The following GALNTL6 variants were observed in gnomAD, a reference collection of about 807,000 sequenced individuals.
GALNTL6 encodes polypeptide N-acetylgalactosaminyltransferase like 6.
A neutral mutation model predicts 73.7 loss-of-function variants in GALNTL6; 46 were observed. The ratio of observed to expected loss-of-function variants is 0.62; its 90% CI spans 0.49 to 0.80. The LOEUF (loss-of-function observed/expected upper bound fraction) is 0.80, where lower values mean the gene tolerates loss of function less well. Among genes scored for constraint, GALNTL6 ranks in the 30% least tolerant of loss-of-function variants. GALNTL6 has a pLI of 0.00. For synonymous variants in GALNTL6, 259 were observed against 263.7 expected, an observed-to-expected ratio of 0.98 and a Z score of 0.17; for missense variants, 604 against 755.0, an observed-to-expected ratio of 0.80 and a Z score of 2.34.
At chr4:172,660,441 G>A (rs1383851456) in intron 5 of GALNTL6, among the ~76,000 whole-genome samples, 1 of 152,184 alleles carries the variant, frequency 6.6e-6, no homozygotes. Context: ...GCTGTCACCT[G>A]AGGAGCATAT....
At chr4:172,086,937 T>A (rs547964961) in intron 2 of GALNTL6, among the ~76,000 whole-genome samples, 15 of 152,298 alleles carry the variant, frequency 9.8e-5, no homozygotes, top group Admixed American at 6.5e-4. Flanking sequence ...ATATGGAATA[T>A]ACCAATATTG....
chr4:172,611,810 G>T (rs1304863046), intron 5 of GALNTL6, among the ~76,000 whole-genome samples: 1 of 151,852 alleles, frequency 6.6e-6, no homozygotes, highest in Non-Finnish European at 1.5e-5. Context: ...AGTTTTCAAG[G>T]GTATATATCA....
intron 3 of GALNTL6, among the ~76,000 whole-genome samples, chr4:172,260,490 C>A (rs1738221558): frequency 6.6e-6 from 1 of 151,424 alleles, no homozygotes; most frequent in African/African-American, 2.4e-5. Flanking sequence ...TTTGTCAGTT[C>A]TAGGAGCTTT....
In GALNTL6 at chr4:172,591,459, A is replaced by G. The variant is rs183963704; in HGVS notation, c.554-217902A>G. Among the ~76,000 whole-genome samples, 49 of 152,312 alleles carry G rather than the reference A, an allele frequency of 3.2e-4. No homozygotes were observed. The East Asian group carries it at 9.2e-3, about 29-fold the overall frequency. ...TTTAATTTAAAGTATTGTTCTACCT[A>G]TTTAATAGAGCAAGACCATAAAAAC... On this transcript the variant is annotated intron_variant, in intron 5 of 12. Transcript: ENST00000506823.
intron 7 of GALNTL6, among the ~76,000 whole-genome samples, chr4:172,881,331 A>G (rs1174284555): frequency 6.6e-6 from 1 of 152,110 alleles, no homozygotes; most frequent in Non-Finnish European, 1.5e-5. Flanking sequence ...GATTTTTATT[A>G]CAAAACAAAA....
At chr4:171,823,221 A>G (rs1278100262) in intron 2 of GALNTL6, among the ~76,000 whole-genome samples, 3 of 152,130 alleles carry the variant, frequency 2.0e-5, no homozygotes, top group Non-Finnish European at 2.9e-5. Context: ...TAACTAAAAT[A>G]TCTTATATTT....
At chr4:172,063,493 T>G (rs1731268477) in intron 2 of GALNTL6, among the ~76,000 whole-genome samples, 4 of 152,216 alleles carry the variant, frequency 2.6e-5, no homozygotes, top group African/African-American at 9.6e-5. Context: ...TGGCTTTTAT[T>G]TTTTGGTTTT....
chr4:171,923,786 C>CTGTGTGTGTGTG (rs563244976), intron 2 of GALNTL6, among the ~76,000 whole-genome samples: 11,518 of 133,072 alleles, frequency 0.087, 603 homozygotes, highest in Middle Eastern at 0.11. Context: ...AAAAGTATTG[C>CTGTGTGTGTGTG]TGTGTGTGTG....
At chr4:172,320,646 C>G (rs1227223448) in intron 4 of GALNTL6, among the ~76,000 whole-genome samples, 1 of 151,732 alleles carries the variant, frequency 6.6e-6, no homozygotes, top group Non-Finnish European at 1.5e-5. Flanking sequence ...CACAGAGAGA[C>G]TTCAAAAACT....
At chr4:172,870,052 GTCA>G (rs55936018) in intron 7 of GALNTL6, among the ~76,000 whole-genome samples, 3,691 of 143,046 alleles carry the variant, frequency 0.026, 52 homozygotes, top group African/African-American at 0.04. Flanking sequence ...GACCTTTACT[GTCA>G]TCATCATCAT....
intron 7 of GALNTL6, among the ~76,000 whole-genome samples, chr4:172,836,573 A>G (rs981430490): frequency 6.6e-6 from 1 of 152,350 alleles, no homozygotes; most frequent in Non-Finnish European, 1.5e-5. Context: ...AAAAAAATCA[A>G]TGTAAATACA....
intron 5 of GALNTL6, among the ~76,000 whole-genome samples, chr4:172,737,896 A>C (rs550628510): frequency 1.3e-5 from 2 of 152,276 alleles, no homozygotes; most frequent in South Asian, 4.1e-4. Flanking sequence ...GAAGGTCCCA[A>C]AAGTATTATT....
intron 10 of GALNTL6, among the ~76,000 whole-genome samples, chr4:172,995,711 G>A (rs1229638688): frequency 6.6e-6 from 1 of 152,188 alleles, no homozygotes; most frequent in Non-Finnish European, 1.5e-5. Flanking sequence ...GGGAGAAAAA[G>A]AAGAGCTAAA....
chr4:172,733,829 G>T (rs1736296846), intron 5 of GALNTL6, among the ~76,000 whole-genome samples: 1 of 152,114 alleles, frequency 6.6e-6, no homozygotes, highest in South Asian at 2.1e-4. Flanking sequence ...GTATAAAAAT[G>T]GACTAATACA....
intron 5 of GALNTL6, among the ~76,000 whole-genome samples, chr4:172,658,034 C>T (rs1301346568): frequency 1.5e-5 from 2 of 135,964 alleles, no homozygotes; most frequent in Non-Finnish European, 1.6e-5. Context: ...CCTGTAGTCC[C>T]AGCTACTCGG....
chr4:171,926,519 G>A (rs938213852), intron 2 of GALNTL6, among the ~76,000 whole-genome samples: 1 of 151,990 alleles, frequency 6.6e-6, no homozygotes, highest in African/African-American at 2.4e-5. Flanking sequence ...AGATTTTGGG[G>A]TATGTACACC....
intron 2 of GALNTL6, among the ~76,000 whole-genome samples, chr4:172,225,194 G>A (rs752602276): frequency 3.6e-4 from 55 of 151,960 alleles, no homozygotes; most frequent in Non-Finnish European, 6.6e-4. Flanking sequence ...ACGCAAATGG[G>A]TCTGGGCGCT....
intron 8 of GALNTL6, among the ~76,000 whole-genome samples, chr4:172,925,871 T>C (rs1265666107): frequency 1.3e-5 from 2 of 152,224 alleles, no homozygotes; most frequent in Non-Finnish European, 2.9e-5. Flanking sequence ...ACTAAGTATG[T>C]GGTCATCTGT....
At chr4:172,871,588 T>TGGG (rs199889170) in intron 7 of GALNTL6, among the ~76,000 whole-genome samples, 3 of 121,940 alleles carry the variant, frequency 2.5e-5, no homozygotes, top group South Asian at 3.5e-4. Context: ...TCTCTGACTC[T>TGGG]GGGGGGGGTG....
Sources: allele counts gnomAD v4.1 joint callset (sites outside exome capture counted in the v4.1 genomes callset), GRCh38; gene constraint gnomAD v4.1.1; transcripts MANE v1.5; gene names NCBI Gene and HGNC (gene_info 2026-07-23, HGNC 2026-07-21).